SHC1: variants seen among roughly 807,000 people sequenced by gnomAD.
The protein encoded by SHC1 is SHC adaptor protein 1.
Under a neutral mutation model 55.9 loss-of-function variants are expected in SHC1, and 30 were observed. The observed-to-expected ratio is 0.54, with a 90% confidence interval of 0.40 to 0.73. SHC1 has a LOEUF of 0.73. Among genes scored for constraint, SHC1 ranks in the 30% least tolerant of loss-of-function variants. The pLI, the probability that SHC1 is intolerant of heterozygous loss-of-function variation, is 0.00. For missense variants in SHC1, 675 were observed against 777.1 expected (o/e 0.87, Z 1.56); for synonymous variants, 309 against 306.1 (o/e 1.01, Z -0.10).
chr1:154,965,635 G>C lies in SHC1; in HGVS notation c.1534C>G (p.Arg512Gly). The C allele has an allele frequency of 6.2e-7, 1 of 1,614,110 alleles. No individual in the cohort carries two copies. The highest frequency in any genetic ancestry group is 1.1e-5 in the South Asian group (1 of 91,080). Residue 512 changes from arginine (R) to glycine (G), a missense_variant, in exon 11 of 12, where the codon CGG becomes GGG. Physicochemically the swap from Arg to Gly is moderately radical, Grantham distance 125 (BLOSUM62 -2). Around this residue, in one of 3 missense-constraint regions of SHC1, gnomAD observed 360 missense variants for 371.1 expected, o/e 0.97. Coordinates refer to ENST00000448116, the MANE Select transcript of SHC1 (RefSeq NM_001130040.2). ...TGGCCAGGTGTGGTCGTGCTCTCCC[G>C]TACCAGGAAGTCCCCATTGAGCTGC... Reference protein sequence around the residue: ...LLQLNGDFLVRESTTTPGQYV... With the variant: ...LLQLNGDFLVGESTTTPGQYV...
rs1655508269 is a variant in SHC1 at position 154,963,139 on chromosome 1, C to T, written c.*664G>A. On this transcript the variant is annotated 3_prime_UTR_variant, in exon 12 of 12. Transcript: ENST00000448116. The stretch of plus-strand genomic sequence containing the variant: ...GGCACTGAGCAAGGGAGGGGTCCAT[C>T]TCCCGCCTGGCCGGGAGTGGGGCTC... 1 of 153,126 alleles carries T rather than the reference C, an allele frequency of 6.5e-6. No homozygotes were observed. 9.5% of individuals were successfully genotyped at this position (153,126 alleles called of 1,614,324 possible). A position where few individuals can be genotyped will look rare whatever the true frequency, so the allele number is the denominator to read the frequency against.
At chr1:154,972,200 G>A (rs7520378), upstream of SHC1, among the ~76,000 whole-genome samples, 8,877 of 150,972 alleles carry the variant, frequency 0.059, 858 homozygotes, top group African/African-American at 0.21. Context: ...AGCCGAGATC[G>A]AGCCATTGCA....
Position 154,963,842 on chromosome 1 carries a change from G to A in SHC1, c.1716C>T (p.Ser572=), listed in dbSNP as rs145462928. ...DNHLPIISAG[S]ELCLQQPVER... is the part of the protein sequence containing the mutation. ...CCACAGGTTGCTGTAGACACAGTTC[G>A]CTGCCCGCAGAGATGATGGGCAAGT... The change falls in exon 12 of 12, where the codon AGC becomes AGT. Residue 572 remains serine (S), a synonymous_variant. Coordinates refer to ENST00000448116, the MANE Select transcript of SHC1 (RefSeq NM_001130040.2). 1.1e-3 allele frequency: 1,707 copies of A among 1,614,132 alleles called. 15 individuals carry two copies. The highest frequency in any genetic ancestry group is 7.5e-3 in the Middle Eastern group (45 of 6,040).
chr1:154,970,091 G>A lies in SHC1; in HGVS notation c.436C>T (p.Arg146Trp), dbSNP rs754615883. The change falls in exon 1 of 12, where the codon CGG (arginine) becomes TGG (tryptophan). Residue 146 changes from arginine (R) to tryptophan (W), a missense_variant. Arg to Trp is a moderately radical substitution (Grantham distance 101, BLOSUM62 -3). This residue lies in a region of SHC1 where 159 missense variants were observed against 246.9 expected (regional missense o/e 0.64). Coordinates refer to ENST00000448116, the MANE Select transcript of SHC1 (RefSeq NM_001130040.2). This position sits in a 1 kb window ranked among gnomAD's most constrained non-coding sequence, Gnocchi z 5.5. The part of the protein sequence containing the change: ...RHGSFVNKPT[R>W]GWLHPNDKVM... ...TTGTCGTTGGGATGCAGCCAGCCCC[G>A]CGTGGGCTTATTGACAAAGCTCCCG... The A allele has an allele frequency of 2.5e-6, 4 of 1,613,962 alleles. No individual in the cohort carries two copies. Among genetic ancestry groups the A allele is most frequent in the South Asian group, 1.1e-5 (1 of 91,088 alleles).
Position 154,968,577 on chromosome 1 carries a change from C to T in SHC1, c.668G>A (p.Ser223Asn), listed in dbSNP as rs776567892. Residue 223 changes from serine (S) to asparagine (N), a missense_variant, in exon 4 of 12, where the codon AGT (serine) becomes AAT (asparagine). Ser to Asn is a conservative substitution (Grantham distance 46). Transcript: ENST00000448116. ...SRPLSSILGR[S>N]NLKFAGMPIT... ...TGGCATTCCAGCAAATTTCAGGTTA[C>T]TCCTCCCCAGGATAGAGCTGAGCGG... The T allele has an allele frequency of 3.0e-5, 49 of 1,613,990 alleles. No individual in the cohort carries two copies. The highest frequency in any genetic ancestry group is 3.3e-4 in the Middle Eastern group (2 of 6,084).
In SHC1 at chr1:154,970,441, G is replaced by T. The variant is rs1418019869; in HGVS notation, c.86C>A (p.Thr29Asn). The change falls in exon 1 of 12, where the codon ACC (threonine) becomes AAC (asparagine). Residue 29 changes from threonine (T) to asparagine (N), a missense_variant. By Grantham distance (65) the Thr-to-Asn change is moderately conservative. Transcript: ENST00000448116. This position sits in a 1 kb window ranked among gnomAD's most constrained non-coding sequence, Gnocchi z 5.5. ...SSLEEGASGS[T>N]PPEELPSPSA... ...TGGGGAAGGCAGCTCCTCCGGGGGG[G>T]TGGACCCAGAAGCCCCTTCCTCCAG... 6.2e-7 allele frequency: 1 copy of T among 1,611,090 alleles called. No individual in the cohort carries two copies. The highest frequency in any genetic ancestry group is 1.1e-5 in the South Asian group (1 of 90,844).
rs1255542466 is a variant in SHC1 at position 154,970,700 on chromosome 1, C to A, written c.-174G>T. The A allele has an allele frequency of 8.9e-5, 48 of 542,260 alleles. No individual in the cohort carries two copies. The highest frequency in any genetic ancestry group is 1.4e-4 in the Non-Finnish European group (42 of 309,088). The allele number at this position is 542,260 out of a possible 1,614,324, so 33.6% of individuals were successfully genotyped here. A position where few individuals can be genotyped will look rare whatever the true frequency, so the allele number is the denominator to read the frequency against. On this transcript the variant is annotated 5_prime_UTR_variant, in exon 1 of 12. Transcript: ENST00000448116. The surrounding 1 kb of genome is among the most constrained non-coding windows in gnomAD (Gnocchi z 5.5). ...GTGGCTTCCGCTCCCCAGCTCAGAC[C>A]CAGACAGTTTCAGGCCCCATCCCCG...
At chr1:154,971,677 G>T (rs1490938647), upstream of SHC1, among the ~76,000 whole-genome samples, 1 of 152,192 alleles carries the variant, frequency 6.6e-6, no homozygotes, top group Non-Finnish European at 1.5e-5. Context: ...CTTCACACCA[G>T]GGAAGGAGCC....
upstream of SHC1, among the ~76,000 whole-genome samples, chr1:154,974,096 T>C (rs991976917): frequency 6.6e-6 from 1 of 151,610 alleles, no homozygotes; most frequent in Non-Finnish European, 1.5e-5. Flanking sequence ...AAGTCGGGGT[T>C]CGGGGGAGCC....
chr1:154,970,965 G>A (rs1656686619), upstream of SHC1, among the ~76,000 whole-genome samples: 1 of 152,168 alleles, frequency 6.6e-6, no homozygotes, highest in African/African-American at 2.4e-5. The surrounding 1 kb of genome is among the most constrained non-coding windows in gnomAD (Gnocchi z 5.5). Flanking sequence ...GAGAAGTAAA[G>A]TGGGGGTGGG....
intron 3 of SHC1, 26 bp downstream of exon 3, chr1:154,968,745 T>C: frequency 1.2e-6 from 2 of 1,611,504 alleles, no homozygotes; most frequent in Non-Finnish European, 1.7e-6. Flanking sequence ...CCCAGCAGCA[T>C]CCCTATCCCC....
intron 7 of SHC1, 94 bp downstream of exon 7, chr1:154,967,577 C>A: frequency 7.4e-7 from 1 of 1,357,940 alleles, no homozygotes. Context: ...CAGGTTATTC[C>A]CTCCCTGAAC....
At chr1:154,968,687 C>T (rs1229087490) in intron 3 of SHC1, 73 bp from the exon 4 acceptor site, 1 of 1,610,808 alleles carries the variant, frequency 6.2e-7, no homozygotes, top group East Asian at 2.2e-5. Context: ...CCTCCTGGCC[C>T]TCTCCCCACA....
In SHC1 at chr1:154,968,040, G is replaced by C; in HGVS notation, c.805-9C>G. ...ACATACTCGGCTGTGTCCTGGGGAGGAAGGTCAAAAAATTTTACAGTTCTA... is the reference window on the plus strand; with the variant it reads ...ACATACTCGGCTGTGTCCTGGGGAGCAAGGTCAAAAAATTTTACAGTTCTA... On this transcript the variant is annotated splice_polypyrimidine_tract_variant and intron_variant, in intron 5 of 11. Transcript: ENST00000448116. 2 of 1,614,100 alleles carry C rather than the reference G, an allele frequency of 1.2e-6. No homozygotes were observed. The highest frequency in any genetic ancestry group is 2.2e-5 in the South Asian group (2 of 91,086).
upstream of SHC1, chr1:154,974,284 C>T (rs1657044769): frequency 4.1e-6 from 1 of 244,956 alleles, no homozygotes; most frequent in African/African-American, 2.3e-5. Context: ...CACCGCGGGC[C>T]GATTTGGTGC....
upstream of SHC1, chr1:154,970,809 A>C: frequency 3.0e-6 from 1 of 331,930 alleles, no homozygotes; most frequent in Non-Finnish European, 5.5e-6. The surrounding 1 kb of genome is among the most constrained non-coding windows in gnomAD (Gnocchi z 5.5). Context: ...CGGGGAGCTA[A>C]GGGGAGAGAC....
Position 154,970,690 on chromosome 1 carries a change from C to T in SHC1, c.-164G>A. 1 of 555,548 alleles carries T rather than the reference C, an allele frequency of 1.8e-6. No homozygotes were observed. 34.4% of individuals were successfully genotyped at this position (555,548 alleles called of 1,614,324 possible). On this transcript the variant is annotated 5_prime_UTR_variant, in exon 1 of 12. Transcript: ENST00000448116. The surrounding 1 kb of genome is among the most constrained non-coding windows in gnomAD (Gnocchi z 5.5). Reference sequence around the variant, plus strand: ...AGAGGGACAAGTGGCTTCCGCTCCCCAGCTCAGACCCAGACAGTTTCAGGC... The same window carrying T: ...AGAGGGACAAGTGGCTTCCGCTCCCTAGCTCAGACCCAGACAGTTTCAGGC...
chr1:154,968,662 C>T (rs759138360), intron 3 of SHC1, 48 bp from the exon 4 acceptor site: 2 of 1,612,708 alleles, frequency 1.2e-6, no homozygotes, highest in Non-Finnish European at 1.7e-6. Context: ...CCAGCACAGG[C>T]AAACCACACT....
At chr1:154,965,807 G>C (rs769116682) in intron 10 of SHC1, 26 bp from the exon 11 acceptor site, 15 of 1,595,216 alleles carry the variant, frequency 9.4e-6, no homozygotes, top group Middle Eastern at 3.3e-4. Context: ...GAGGGTGAGG[G>C]GAAGTAGCAG....
Sources: gnomAD v4.1 joint callset for allele counts (sites outside exome capture counted in the v4.1 genomes callset) on GRCh38, gnomAD v4.1.1 for gene constraint, gnomAD v4.1.1 regional missense constraint, Gnocchi (gnomAD v3.1) non-coding constraint, MANE v1.5 for transcripts, NCBI Gene and HGNC (gene_info 2026-07-23, HGNC 2026-07-21) for gene names.